Variants in FMN2 observed in about 807,000 individuals in gnomAD.
FMN2 encodes the protein formin-2.
A neutral mutation model predicts 142.3 loss-of-function variants in FMN2; 51 were observed. That is an observed-to-expected ratio of 0.36 (90% confidence interval 0.29 to 0.45). FMN2 has a LOEUF of 0.45. FMN2 is among the 20% of genes least tolerant of loss of function. The pLI is 1.00. For missense variants in FMN2, 1,936 were observed against 2,122.8 expected, an observed-to-expected ratio of 0.91 and a Z score of 1.73; for synonymous variants, 882 against 869.8, an observed-to-expected ratio of 1.01 and a Z score of -0.25.
At chr1:240,278,873 C>T (rs1350724929) in intron 7 of FMN2, among the ~76,000 whole-genome samples, 1 of 152,120 alleles carries the variant, frequency 6.6e-6, no homozygotes, top group East Asian at 1.9e-4. Context: ...AAGACCATAG[C>T]AGATTTTTGT....
chr1:240,121,462 G>A (rs1403660514), intron 1 of FMN2, among the ~76,000 whole-genome samples: 3 of 150,342 alleles, frequency 2.0e-5, no homozygotes, highest in African/African-American at 4.9e-5. Context: ...TGCAAGCTCC[G>A]TCTCCCGGGT....
intron 15 of FMN2, among the ~76,000 whole-genome samples, chr1:240,400,333 C>T (rs1673933594): frequency 6.6e-6 from 1 of 152,128 alleles, no homozygotes; most frequent in South Asian, 2.1e-4. Context: ...GAACTCAGCG[C>T]AACCGCTGGC....
chr1:240,311,194 A>G (rs1047283688), intron 8 of FMN2, among the ~76,000 whole-genome samples: 1 of 152,216 alleles, frequency 6.6e-6, no homozygotes, highest in Non-Finnish European at 1.5e-5. Flanking sequence ...CTTAAAGATT[A>G]CTAGGGTAGT....
intron 3 of FMN2, chr1:240,180,251 T>C (rs1258931049): frequency 9.6e-7 from 1 of 1,043,014 alleles, no homozygotes; most frequent in East Asian, 6.2e-5. Flanking sequence ...TCATATAGCA[T>C]TTTTTCATCA....
chr1:240,197,415 G>GGGGT (rs1260727487), intron 4 of FMN2, among the ~76,000 whole-genome samples: 4 of 152,108 alleles, frequency 2.6e-5, no homozygotes, highest in Non-Finnish European at 5.9e-5. Context: ...ACCTGCGGAG[G>GGGGT]GGGTGGAGGG....
At chr1:240,412,989 G>T (rs2103128254) in intron 15 of FMN2, among the ~76,000 whole-genome samples, 1 of 148,522 alleles carries the variant, frequency 6.7e-6, no homozygotes, top group Admixed American at 6.7e-5. Context: ...CGGGTGTAGT[G>T]GTGGGCGCCT....
chr1:240,369,664 C>T (rs1401191403), intron 14 of FMN2, among the ~76,000 whole-genome samples: 4 of 152,130 alleles, frequency 2.6e-5, no homozygotes, highest in East Asian at 1.9e-4. Context: ...TCCTTTCAGC[C>T]GCCTGGAGGC....
intron 8 of FMN2, among the ~76,000 whole-genome samples, chr1:240,328,009 G>A (rs112771359): frequency 0.011 from 1,659 of 151,664 alleles, 30 homozygotes; most frequent in African/African-American, 0.036. Context: ...TGAGCCAGGC[G>A]TGGTGGCAGG....
chr1:240,156,179 G>A (rs556079350), intron 2 of FMN2, among the ~76,000 whole-genome samples: 24 of 152,286 alleles, frequency 1.6e-4, no homozygotes, highest in African/African-American at 5.3e-4. Context: ...TGAGCCAGGA[G>A]TAGGAGGCCG....
At chr1:240,214,559 AAAAAAAAGAAAAAG>A (rs1250292374) in intron 6 of FMN2, among the ~76,000 whole-genome samples, 1 of 151,458 alleles carries the variant, frequency 6.6e-6, no homozygotes, top group Non-Finnish European at 1.5e-5. Flanking sequence ...TCAAAAAAAA[AAAAAAAAGAAAAAG>A]AAAAAGAAAA....
chr1:240,180,863 G>A (rs11588566), intron 3 of FMN2, among the ~76,000 whole-genome samples: 26,948 of 151,676 alleles, frequency 0.18, 2,592 homozygotes, highest in Middle Eastern at 0.28. Context: ...CACTGTGCCC[G>A]GGTGACCCCT....
intron 13 of FMN2, among the ~76,000 whole-genome samples, chr1:240,336,317 A>C (rs886182150): frequency 3.2e-4 from 49 of 152,074 alleles, no homozygotes; most frequent in African/African-American, 9.7e-4. Context: ...AGTACCTCAG[A>C]GTTTAAAGAG....
intron 15 of FMN2, among the ~76,000 whole-genome samples, chr1:240,395,988 T>C (rs1439743769): frequency 6.6e-6 from 1 of 152,210 alleles, no homozygotes; most frequent in Non-Finnish European, 1.5e-5. Context: ...GCAGATTTCA[T>C]TGTTGTCTTA....
chr1:240,418,729 T>TTTGC (rs948823418), intron 15 of FMN2, among the ~76,000 whole-genome samples: 3 of 134,570 alleles, frequency 2.2e-5, no homozygotes, highest in African/African-American at 1.2e-4. Flanking sequence ...AGTGTTCTAT[T>TTTGC]TTATTATTTT....
intron 15 of FMN2, among the ~76,000 whole-genome samples, chr1:240,397,651 G>A (rs1051112612): frequency 1.1e-4 from 17 of 151,876 alleles, no homozygotes; most frequent in African/African-American, 2.4e-4. Flanking sequence ...TTAGCCAGGC[G>A]TGGTGGTAGG....
chr1:240,427,026 T>G (rs921241070), intron 15 of FMN2, among the ~76,000 whole-genome samples: 1 of 151,652 alleles, frequency 6.6e-6, no homozygotes, highest in African/African-American at 2.4e-5. Context: ...AAGCGTGAGC[T>G]ACCGTGCCAG....
intron 6 of FMN2, among the ~76,000 whole-genome samples, chr1:240,226,009 A>T (rs935297970): frequency 6.6e-6 from 1 of 152,318 alleles, no homozygotes; most frequent in East Asian, 1.9e-4. Flanking sequence ...TCTGAAGAAC[A>T]TACACAGAAA....
intron 1 of FMN2, among the ~76,000 whole-genome samples, chr1:240,113,556 TC>T (rs1438665874): frequency 3.3e-4 from 5 of 15,082 alleles, no homozygotes; most frequent in African/African-American, 1.9e-3. Flanking sequence ...AGACTCCGTC[TC>T]AAAAAAAAAA....
At chr1:240,322,335 A>C (rs1430487267) in intron 8 of FMN2, among the ~76,000 whole-genome samples, 1 of 152,138 alleles carries the variant, frequency 6.6e-6, no homozygotes, top group East Asian at 1.9e-4. Flanking sequence ...GAATTGCTAT[A>C]GTTGATGGCC....
Sources: allele counts gnomAD v4.1 joint callset (sites outside exome capture counted in the v4.1 genomes callset), GRCh38; gene constraint gnomAD v4.1.1; transcripts MANE v1.5; gene names NCBI Gene and HGNC (gene_info 2026-07-23, HGNC 2026-07-21).